CDH2: variants seen among roughly 807,000 people sequenced by gnomAD.
CDH2 encodes cadherin 2.
A neutral mutation model predicts 92.0 loss-of-function variants in CDH2; 17 were observed. The observed-to-expected ratio is 0.18, with a 90% CI of 0.13 to 0.28. The LOEUF (loss-of-function observed/expected upper bound fraction) is 0.28, where lower values mean the gene tolerates loss of function less well. Ranked by LOEUF, CDH2 falls within the 10% of genes least tolerant of loss-of-function variation. The pLI, the probability that CDH2 is intolerant of heterozygous loss-of-function variation, is 1.00. For synonymous variants in CDH2, 419 were observed against 415.9 expected, an observed-to-expected ratio of 1.01 and a Z score of -0.09; for missense variants, 862 against 1,133.1, an observed-to-expected ratio of 0.76 and a Z score of 3.44.
At position 28,039,691 on chromosome 18, in the gene CDH2, G is replaced by GT. The variant is rs951409488; in HGVS notation, c.173-25783dup. Among the ~76,000 whole-genome samples, 34 of 151,854 alleles carry GT rather than the reference G, an allele frequency of 2.2e-4. No individual in the cohort carries two copies. The South Asian group carries it at 4.4e-3, about 20-fold the overall frequency. On this transcript the variant is annotated intron_variant, in intron 2 of 15. Coordinates refer to ENST00000269141, the MANE Select transcript of CDH2 (RefSeq NM_001792.5). Reference sequence around the variant, plus strand: ...CAGGATTTCACAGTCTGTATCGTGTGTTTTTTTTGTCAAATTCTCCTTACC... The same window carrying GT: ...CAGGATTTCACAGTCTGTATCGTGTGTTTTTTTTTGTCAAATTCTCCTTACC...
At chr18:28,120,030 G>A (rs1247474302) in intron 2 of CDH2, among the ~76,000 whole-genome samples, 2 of 151,930 alleles carry the variant, frequency 1.3e-5, no homozygotes. Flanking sequence ...GCTTCCAAAT[G>A]GTTACATGTG....
At chr18:28,052,507 G>C (rs188498426) in intron 2 of CDH2, among the ~76,000 whole-genome samples, 67 of 112,230 alleles carry the variant, frequency 6.0e-4, no homozygotes, top group Non-Finnish European at 7.4e-4. Flanking sequence ...ATGTGTATTT[G>C]TTTGGAAAGG....
At chr18:28,127,616 T>C (rs1023992129) in intron 2 of CDH2, among the ~76,000 whole-genome samples, 69 of 152,240 alleles carry the variant, frequency 4.5e-4, no homozygotes, top group African/African-American at 1.5e-3. Flanking sequence ...GATTACAATA[T>C]AGCAATTTAA....
downstream of CDH2, among the ~76,000 whole-genome samples, chr18:27,949,620 T>A (rs1223954211): frequency 6.6e-6 from 1 of 151,990 alleles, no homozygotes; most frequent in Non-Finnish European, 1.5e-5. Flanking sequence ...CAATCTCATT[T>A]TCATAAAAAC....
At chr18:28,131,838 T>C (rs557825661) in intron 2 of CDH2, among the ~76,000 whole-genome samples, 2 of 152,294 alleles carry the variant, frequency 1.3e-5, no homozygotes, top group South Asian at 4.1e-4. Context: ...AATATTTCCA[T>C]ACTATTCTCT....
rs567003448 is a variant in CDH2, at chr18:28,133,613, C to T, written c.172+14060G>A. Among the ~76,000 whole-genome samples the T allele has an allele frequency of 1.2e-4, 17 of 147,324 alleles. No homozygotes were observed. In the South Asian group the frequency reaches 3.7e-3, roughly 32 times the overall value. ...AAAAAAAAAAAAAAAAAGAACTTGGCATATATAAGTTGCTTAATAAATAAA... is the reference window on the plus strand; with the variant it reads ...AAAAAAAAAAAAAAAAAGAACTTGGTATATATAAGTTGCTTAATAAATAAA... On this transcript the variant is annotated intron_variant, in intron 2 of 15. Coordinates refer to ENST00000269141, the MANE Select transcript of CDH2 (RefSeq NM_001792.5).
At chr18:28,109,017 A>G (rs368731188) in intron 2 of CDH2, among the ~76,000 whole-genome samples, 1 of 152,158 alleles carries the variant, frequency 6.6e-6, no homozygotes, top group Non-Finnish European at 1.5e-5. Flanking sequence ...CTCCAGTGCT[A>G]AAAGCAGCAT....
chr18:27,990,165 A>C lies in CDH2; in HGVS notation c.1530T>G (p.Leu510=). The change falls in exon 10 of 16, where the codon CTT becomes CTG. Residue 510 remains leucine (L), a synonymous_variant. Coordinates refer to ENST00000269141, the MANE Select transcript of CDH2 (RefSeq NM_001792.5). ...NPKIIRQEEG[L]HAGTMLTTFT... ...ATGTTGTCAACATGGTACCGGCATGAAGCCCTTCTTCTTGGCGAATGATCT... is the reference window on the plus strand; with the variant it reads ...ATGTTGTCAACATGGTACCGGCATGCAGCCCTTCTTCTTGGCGAATGATCT... 6.2e-7 allele frequency: 1 copy of C among 1,614,086 alleles called. No homozygotes were observed. The highest frequency in any genetic ancestry group is 1.3e-5 in the African/African-American group (1 of 75,048).
intron 15 of CDH2, among the ~76,000 whole-genome samples, chr18:27,961,532 A>G (rs1400443604): frequency 6.6e-6 from 1 of 152,148 alleles, no homozygotes; most frequent in East Asian, 1.9e-4. Context: ...CAGTATATTC[A>G]AAAGTGTTGA....
intron 2 of CDH2, among the ~76,000 whole-genome samples, chr18:28,106,523 G>T (rs1486359077): frequency 6.7e-6 from 1 of 148,314 alleles, no homozygotes; most frequent in East Asian, 2.0e-4. Context: ...TATCATCAAA[G>T]AAGACAAACA....
Position 28,043,890 on chromosome 18 carries a change from A to ATTTTTTTTTTTT in CDH2, c.173-29993_173-29982dup, listed in dbSNP as rs67532914. ...AGTCTCATCTTTCTCAGAATCTCGG[A>ATTTTTTTTTTTT]TTTTTTTTTTTTTTTTTTTTTTTTT... On this transcript the variant is annotated intron_variant, in intron 2 of 15. Coordinates refer to ENST00000269141, the MANE Select transcript of CDH2 (RefSeq NM_001792.5). 6.7e-4 allele frequency among the ~76,000 whole-genome samples: 61 copies of ATTTTTTTTTTTT among 91,466 alleles called. 4 individuals are homozygous for ATTTTTTTTTTTT. The highest frequency in any genetic ancestry group is 1.1e-3 in the Non-Finnish European group (52 of 46,000). The allele number at this position is 91,466 out of a possible 152,430, so 60.0% of individuals were successfully genotyped here. A position where few individuals can be genotyped will look rare whatever the true frequency, so the allele number is the denominator to read the frequency against.
chr18:28,036,444 G>T, intron 2 of CDH2: 1 of 1,050,828 alleles, frequency 9.5e-7, no homozygotes, highest in Non-Finnish European at 1.5e-6. Context: ...ACCATGTTAT[G>T]GAATGAATAA....
intron 2 of CDH2, among the ~76,000 whole-genome samples, chr18:28,137,930 G>A (rs1337068922): frequency 6.6e-6 from 1 of 151,902 alleles, no homozygotes; most frequent in African/African-American, 2.4e-5. Flanking sequence ...GAAAATCACA[G>A]GCCAAGAATT....
chr18:28,067,558 G>A (rs1482961270), intron 2 of CDH2, among the ~76,000 whole-genome samples: 1 of 152,168 alleles, frequency 6.6e-6, no homozygotes, highest in Non-Finnish European at 1.5e-5. Context: ...AGATGTATCA[G>A]TACTTCATTC....
At chr18:28,026,519 C>T (rs919434708) in intron 2 of CDH2, among the ~76,000 whole-genome samples, 2 of 152,098 alleles carry the variant, frequency 1.3e-5, no homozygotes, top group African/African-American at 4.8e-5. Flanking sequence ...CAGGCCAAGT[C>T]CTTGCTAGAA....
chr18:27,994,354 ATATTGATAC>A (rs2012516687), intron 7 of CDH2, among the ~76,000 whole-genome samples: 1 of 152,206 alleles, frequency 6.6e-6, no homozygotes, highest in Non-Finnish European at 1.5e-5. Flanking sequence ...ATGGATATAA[ATATTGATAC>A]ATTTACATGT....
At chr18:27,997,139 G>A (rs564745941) in intron 7 of CDH2, among the ~76,000 whole-genome samples, 2 of 152,324 alleles carry the variant, frequency 1.3e-5, no homozygotes, top group African/African-American at 4.8e-5. Context: ...TGATGAAGTA[G>A]CACGTGAAAG....
intron 2 of CDH2, among the ~76,000 whole-genome samples, chr18:28,103,056 A>C (rs183299671): frequency 1.5e-4 from 23 of 151,298 alleles, no homozygotes; most frequent in Middle Eastern, 3.5e-3. Context: ...AGGTACTCAG[A>C]GTAGGCTGAT....
At chr18:28,054,352 C>A (rs1469932225) in intron 2 of CDH2, among the ~76,000 whole-genome samples, 1 of 152,124 alleles carries the variant, frequency 6.6e-6, no homozygotes, top group Admixed American at 6.5e-5. Flanking sequence ...ACTTGTAGGG[C>A]TCCTTAGGAA....
Sources: gnomAD v4.1 joint callset for allele counts (sites outside exome capture counted in the v4.1 genomes callset) on GRCh38, gnomAD v4.1.1 for gene constraint, MANE v1.5 for transcripts, NCBI Gene and HGNC (gene_info 2026-07-23, HGNC 2026-07-21) for gene names.